DLG5: variants seen among roughly 807,000 people sequenced by gnomAD.
DLG5 encodes the protein discs large MAGUK scaffold protein 5, also known as disks large homolog 5.
In DLG5, 48 loss-of-function variants were observed where a neutral mutation model predicts 189.8. The observed-to-expected ratio is 0.25, with a 90% CI of 0.20 to 0.32. The LOEUF is 0.32. Among genes scored for constraint, DLG5 ranks in the 10% least tolerant of loss-of-function variants. DLG5 has a pLI of 1.00. For synonymous variants in DLG5, 1,016 were observed against 1,054.1 expected, an observed-to-expected ratio of 0.96 and a Z score of 0.70; for missense variants, 2,160 against 2,544.7, an observed-to-expected ratio of 0.85 and a Z score of 3.25.
At chr10:77,916,981 C>T (rs538587586) in intron 1 of DLG5, among the ~76,000 whole-genome samples, 4 of 148,056 alleles carry the variant, frequency 2.7e-5, no homozygotes, top group African/African-American at 1.0e-4. Flanking sequence ...TATGGATGAA[C>T]CTTGAGGACT....
At chr10:77,846,238 T>A (rs889350238) in intron 5 of DLG5, among the ~76,000 whole-genome samples, 1 of 151,952 alleles carries the variant, frequency 6.6e-6, no homozygotes, top group Non-Finnish European at 1.5e-5. Context: ...AGCGCGAGAC[T>A]TCGTCTCAAA....
chr10:77,842,890 G>C (rs1373128157), intron 6 of DLG5, among the ~76,000 whole-genome samples: 1 of 152,164 alleles, frequency 6.6e-6, no homozygotes, highest in African/African-American at 2.4e-5. Context: ...GGTTCAACCT[G>C]GCAATGCTCA....
chr10:77,911,906 A>T (rs1012412581), intron 1 of DLG5, among the ~76,000 whole-genome samples: 47 of 152,158 alleles, frequency 3.1e-4, no homozygotes, highest in African/African-American at 1.1e-3. Flanking sequence ...TCTTAAAAAA[A>T]AAAAAAAACA....
chr10:77,877,445 T>C (rs562440152), intron 1 of DLG5, among the ~76,000 whole-genome samples: 1 of 152,320 alleles, frequency 6.6e-6, no homozygotes, highest in East Asian at 1.9e-4. Context: ...CTTGTCTTCA[T>C]CAGCGAAGCA....
At chr10:77,900,141 C>G (rs571555908) in intron 1 of DLG5, among the ~76,000 whole-genome samples, 1 of 152,256 alleles carries the variant, frequency 6.6e-6, no homozygotes, top group South Asian at 2.1e-4. Flanking sequence ...GGTGAGGAAG[C>G]TGAGGCTCCA....
At chr10:77,880,204 A>G (rs1845234334) in intron 1 of DLG5, among the ~76,000 whole-genome samples, 1 of 152,152 alleles carries the variant, frequency 6.6e-6, no homozygotes, top group Non-Finnish European at 1.5e-5. Flanking sequence ...CTGTAATCCT[A>G]GCACTTTGGG....
intron 1 of DLG5, among the ~76,000 whole-genome samples, chr10:77,878,659 G>C (rs1845179500): frequency 6.6e-6 from 1 of 152,120 alleles, no homozygotes. Flanking sequence ...CTCAATACCT[G>C]AATACAGCTC....
At position 77,926,105 on chromosome 10, in the gene DLG5, C is replaced by T. The variant is rs1589289492; in HGVS notation, c.304+112G>A. 3 of 1,160,636 alleles carry T rather than the reference C, an allele frequency of 2.6e-6. No homozygotes were observed. Among genetic ancestry groups the T allele is most frequent in the East Asian group, 6.4e-5 (2 of 31,102 alleles). The allele number at this position is 1,160,636 out of a possible 1,614,324, so 71.9% of individuals were successfully genotyped here. A position where few individuals can be genotyped will look rare whatever the true frequency, so the allele number is the denominator to read the frequency against. Reference sequence around the variant, plus strand: ...CCCAACTGGGCCAGAGGAGCGAGTCCACCGAGGCCATCGCCAGGTGGAGCG... The same window carrying T: ...CCCAACTGGGCCAGAGGAGCGAGTCTACCGAGGCCATCGCCAGGTGGAGCG... On this transcript the variant is annotated intron_variant, in intron 1 of 31. Transcript: ENST00000372391. This position sits in a 1 kb window ranked among gnomAD's most constrained non-coding sequence, Gnocchi z 5.2.
chr10:77,901,114 C>CAAAA (rs34724408), intron 1 of DLG5, among the ~76,000 whole-genome samples: 1 of 52,724 alleles, frequency 1.9e-5, no homozygotes, highest in Non-Finnish European at 3.9e-5. Context: ...AACTCCATCT[C>CAAAA]AAAAAAAAAA....
intron 1 of DLG5, chr10:77,869,423 C>T (rs1048974671): frequency 6.7e-5 from 34 of 507,144 alleles, no homozygotes; most frequent in Admixed American, 3.6e-4. Flanking sequence ...TCTGGGCAGG[C>T]GGGCAGAGGG....
At chr10:77,917,834 CT>C (rs1846410475) in intron 1 of DLG5, among the ~76,000 whole-genome samples, 1 of 151,602 alleles carries the variant, frequency 6.6e-6, no homozygotes, top group Non-Finnish European at 1.5e-5. Context: ...CGAGACCAGC[CT>C]GGCCAACGTG....
At chr10:77,855,549 T>G (rs1844189003) in intron 3 of DLG5, among the ~76,000 whole-genome samples, 1 of 152,244 alleles carries the variant, frequency 6.6e-6, no homozygotes, top group East Asian at 1.9e-4. Context: ...CATAGACACT[T>G]TGTAACCAAT....
At chr10:77,930,592 A>C (rs903915700), upstream of DLG5, among the ~76,000 whole-genome samples, 2 of 150,304 alleles carry the variant, frequency 1.3e-5, no homozygotes, top group South Asian at 2.1e-4. Flanking sequence ...CAGGTGATCC[A>C]CCCGCCTCGG....
the DLG5 span, among the ~76,000 whole-genome samples, chr10:77,936,309 A>G: frequency 6.6e-6 from 1 of 152,084 alleles, no homozygotes; most frequent in Non-Finnish European, 1.5e-5. Flanking sequence ...GTGGTGGTGC[A>G]TGCCTGTAAT....
intron 1 of DLG5, among the ~76,000 whole-genome samples, chr10:77,908,197 C>T (rs983270327): frequency 1.3e-5 from 2 of 152,220 alleles, no homozygotes; most frequent in African/African-American, 4.8e-5. Context: ...CCAGAGGACA[C>T]ACCAACTCTA....
At chr10:77,903,572 C>T (rs1253061136) in intron 1 of DLG5, among the ~76,000 whole-genome samples, 21 of 147,476 alleles carry the variant, frequency 1.4e-4, no homozygotes, top group East Asian at 1.0e-3. Flanking sequence ...GAGCCGAGAT[C>T]GTGACACTGC....
intron 5 of DLG5, among the ~76,000 whole-genome samples, chr10:77,844,238 G>C (rs927389415): frequency 6.6e-6 from 1 of 152,088 alleles, no homozygotes; most frequent in Non-Finnish European, 1.5e-5. Context: ...CCTCCGTGGA[G>C]GCCAGCACTT....
intron 1 of DLG5, among the ~76,000 whole-genome samples, chr10:77,918,617 A>G (rs940945679): frequency 6.6e-6 from 1 of 152,210 alleles, no homozygotes; most frequent in Non-Finnish European, 1.5e-5. Context: ...ATGTTTCTGT[A>G]GCACTTTTGT....
intron 15 of DLG5, chr10:77,820,761 C>T: frequency 2.8e-6 from 1 of 351,360 alleles, no homozygotes; most frequent in Non-Finnish European, 5.1e-6. Flanking sequence ...CACGTGCCAC[C>T]TCATCTCCCT....
Sources: allele counts gnomAD v4.1 joint callset (sites outside exome capture counted in the v4.1 genomes callset), GRCh38; gene constraint gnomAD v4.1.1; non-coding constraint Gnocchi (gnomAD v3.1); transcripts MANE v1.5; gene names NCBI Gene and HGNC (gene_info 2026-07-23, HGNC 2026-07-21).